Variants in SPOCK3 observed in about 807,000 individuals in gnomAD.
The protein encoded by SPOCK3 is SPARC (osteonectin), cwcv and kazal like domains proteoglycan 3.
A neutral mutation model predicts 56.6 loss-of-function variants in SPOCK3; 30 were observed. The ratio of observed to expected loss-of-function variants is 0.53; its 90% CI spans 0.40 to 0.72. The LOEUF (loss-of-function observed/expected upper bound fraction) is 0.72. Among genes scored for constraint, SPOCK3 ranks in the 30% least tolerant of loss-of-function variants. The pLI is 0.00. For missense variants in SPOCK3, 527 were observed against 530.0 expected (o/e 0.99, Z 0.06); for synonymous variants, 196 against 183.3 (o/e 1.07, Z -0.56).
chr4:167,030,083 T>TTCTATCTATCTATTTA (rs367559347), intron 3 of SPOCK3, among the ~76,000 whole-genome samples: 4,847 of 141,446 alleles, frequency 0.034, 269 homozygotes, highest in African/African-American at 0.13. Context: ...TAATGGCTCA[T>TTCTATCTATCTATTTA]TCTATCTATC....
chr4:167,071,733 T>C lies in SPOCK3; in HGVS notation c.190-9196A>G, dbSNP rs1018084646. Reference sequence around the variant, plus strand: ...CATGATTTATAATCCTTTGGATATATACCCAGTAATGGGATCGCTGGGTCA... The same window carrying C: ...CATGATTTATAATCCTTTGGATATACACCCAGTAATGGGATCGCTGGGTCA... On this transcript the variant is annotated intron_variant, in intron 2 of 10. Coordinates refer to ENST00000357545, the MANE Select transcript of SPOCK3 (RefSeq NM_001040159.2). 2.0e-5 allele frequency among the ~76,000 whole-genome samples: 3 copies of C among 152,088 alleles called. No homozygotes were observed. The East Asian group carries it at 5.8e-4, about 30-fold the overall frequency.
At chr4:167,038,554 C>T (rs1752968496) in intron 3 of SPOCK3, among the ~76,000 whole-genome samples, 3 of 151,246 alleles carry the variant, frequency 2.0e-5, no homozygotes. Flanking sequence ...GGCAGGGAGG[C>T]TCTAATTGGT....
chr4:167,109,005 A>AATATATACTTATATATAAATATAT (rs1760484572), intron 2 of SPOCK3, among the ~76,000 whole-genome samples: 4 of 77,660 alleles, frequency 5.2e-5, no homozygotes, highest in Non-Finnish European at 7.1e-5. Context: ...TATATATATA[A>AATATATACTTATATATAAATATAT]ATATATACTT....
chr4:166,899,529 C>CAGAGT (rs1302090034), intron 5 of SPOCK3, among the ~76,000 whole-genome samples: 3 of 29,716 alleles, frequency 1.0e-4, no homozygotes, highest in African/African-American at 1.8e-4. Context: ...TTTTTTGAGA[C>CAGAGT]AGAGTCTTGC....
chr4:167,010,693 A>G (rs1399846831), intron 3 of SPOCK3, among the ~76,000 whole-genome samples: 1 of 152,148 alleles, frequency 6.6e-6, no homozygotes, highest in Non-Finnish European at 1.5e-5. Context: ...GGGGGAAAGT[A>G]TACCGACGGA....
At chr4:166,977,330 T>A (rs1306274001) in intron 4 of SPOCK3, among the ~76,000 whole-genome samples, 3 of 152,072 alleles carry the variant, frequency 2.0e-5, no homozygotes, top group Non-Finnish European at 2.9e-5. Context: ...AGACTTAATC[T>A]CAGTTATGAA....
At chr4:167,194,899 G>T (rs931395759) in intron 2 of SPOCK3, among the ~76,000 whole-genome samples, 5 of 152,200 alleles carry the variant, frequency 3.3e-5, no homozygotes, top group Non-Finnish European at 7.3e-5. Flanking sequence ...AGGTATCTGG[G>T]AGGTCTCCCA....
intron 2 of SPOCK3, among the ~76,000 whole-genome samples, chr4:167,068,534 G>A (rs1321861673): frequency 6.6e-6 from 1 of 151,444 alleles, no homozygotes; most frequent in African/African-American, 2.4e-5. Flanking sequence ...TAAAAATTTT[G>A]AATAAAATAT....
At chr4:166,898,058 G>T (rs1560985778) in intron 5 of SPOCK3, among the ~76,000 whole-genome samples, 1 of 151,954 alleles carries the variant, frequency 6.6e-6, no homozygotes, top group Non-Finnish European at 1.5e-5. Context: ...AAAAGTGGCT[G>T]GGCTGGTACT....
At chr4:167,060,721 C>A (rs1180959494) in intron 3 of SPOCK3, among the ~76,000 whole-genome samples, 1 of 152,066 alleles carries the variant, frequency 6.6e-6, no homozygotes, top group Non-Finnish European at 1.5e-5. Context: ...GCCATTATTT[C>A]TTGATAGTGT....
intron 8 of SPOCK3, among the ~76,000 whole-genome samples, chr4:166,750,926 A>G (rs1736292940): frequency 6.6e-6 from 1 of 152,150 alleles, no homozygotes; most frequent in Admixed American, 6.6e-5. Flanking sequence ...TTTGTGAATG[A>G]ATCTCTAAGT....
chr4:166,821,688 C>T (rs1744951700), intron 6 of SPOCK3, among the ~76,000 whole-genome samples: 2 of 151,966 alleles, frequency 1.3e-5, no homozygotes. Context: ...CACCAGAGAT[C>T]AGAAAGGAAA....
chr4:167,164,587 A>T (rs4607248), intron 2 of SPOCK3, among the ~76,000 whole-genome samples: 1 of 145,748 alleles, frequency 6.9e-6, no homozygotes, highest in Non-Finnish European at 1.5e-5. Flanking sequence ...GCTCTCCCCC[A>T]TCTTTCCCCC....
chr4:167,161,138 C>T (rs1467694522), intron 2 of SPOCK3, among the ~76,000 whole-genome samples: 1 of 151,972 alleles, frequency 6.6e-6, no homozygotes, highest in Non-Finnish European at 1.5e-5. Context: ...TTTTGCAATC[C>T]ACTCATCTGA....
chr4:166,766,063 C>T (rs1737993323), intron 7 of SPOCK3, among the ~76,000 whole-genome samples: 1 of 152,114 alleles, frequency 6.6e-6, no homozygotes. Flanking sequence ...GCTGAAGTTG[C>T]TTATCAGCTT....
chr4:167,222,013 CATAG>C (rs1213821408), intron 2 of SPOCK3, among the ~76,000 whole-genome samples: 2 of 152,092 alleles, frequency 1.3e-5, no homozygotes, highest in African/African-American at 4.8e-5. Flanking sequence ...TACCTATGTT[CATAG>C]CAGCATTATT....
intron 2 of SPOCK3, among the ~76,000 whole-genome samples, chr4:167,074,579 A>G (rs539018053): frequency 1.3e-5 from 2 of 151,926 alleles, no homozygotes; most frequent in African/African-American, 4.8e-5. Context: ...GATGGGTAAT[A>G]TAGAGTGTGG....
At chr4:166,748,870 A>C (rs193082355) in intron 8 of SPOCK3, among the ~76,000 whole-genome samples, 1 of 137,992 alleles carries the variant, frequency 7.2e-6, no homozygotes, top group Non-Finnish European at 1.5e-5. Flanking sequence ...TTATGCCACC[A>C]ACAGACACAG....
chr4:166,991,382 T>TTTAC (rs60696813), intron 4 of SPOCK3, among the ~76,000 whole-genome samples: 1 of 151,060 alleles, frequency 6.6e-6, no homozygotes, highest in South Asian at 2.1e-4. Flanking sequence ...TATTTATTTA[T>TTTAC]GTTTTGAGAC....
Sources: gnomAD v4.1 joint callset for allele counts (sites outside exome capture counted in the v4.1 genomes callset) on GRCh38, gnomAD v4.1.1 for gene constraint, MANE v1.5 for transcripts, NCBI Gene and HGNC (gene_info 2026-07-23, HGNC 2026-07-21) for gene names.